Variants in LRRC4C observed in about 807,000 individuals in gnomAD.
The protein encoded by LRRC4C is leucine-rich repeat-containing protein 4C.
LRRC4C carries 5 observed loss-of-function variants against 33.6 expected under a neutral mutation model. The observed-to-expected ratio is 0.15, with a 90% confidence interval of 0.08 to 0.31. The LOEUF is 0.31. LRRC4C is among the 10% of genes least tolerant of loss of function. The probability of loss-of-function intolerance (pLI) is 1.00; values close to 1 mark genes in which losing one functional copy is unlikely to be tolerated. For synonymous variants in LRRC4C, 329 were observed against 302.0 expected, an observed-to-expected ratio of 1.09 and a Z score of -0.93; for missense variants, 560 against 796.7, an observed-to-expected ratio of 0.70 and a Z score of 3.58.
At chr11:40,185,489 G>A (rs916518509) in intron 5 of LRRC4C, among the ~76,000 whole-genome samples, 13 of 152,140 alleles carry the variant, frequency 8.5e-5, no homozygotes, top group African/African-American at 2.9e-4. Flanking sequence ...ATCTCTAGGA[G>A]GAGTTGCCAC....
intron 1 of LRRC4C, among the ~76,000 whole-genome samples, chr11:41,091,635 CT>C (rs1307528033): frequency 6.6e-6 from 1 of 152,112 alleles, no homozygotes; most frequent in Non-Finnish European, 1.5e-5. Flanking sequence ...TTGAGCAAAA[CT>C]TAGGAGTCTA....
At chr11:40,162,952 C>T (rs999520989) in intron 5 of LRRC4C, among the ~76,000 whole-genome samples, 4 of 152,204 alleles carry the variant, frequency 2.6e-5, no homozygotes, top group Admixed American at 6.5e-5. Flanking sequence ...CATCTCACCT[C>T]ATCTATAAGC....
intron 2 of LRRC4C, among the ~76,000 whole-genome samples, chr11:40,721,008 G>C (rs959350426): frequency 6.6e-6 from 1 of 152,072 alleles, no homozygotes; most frequent in African/African-American, 2.4e-5. Context: ...CTCTAGAACA[G>C]GAATTCATTT....
At chr11:41,184,571 C>T (rs565170677) in intron 1 of LRRC4C, among the ~76,000 whole-genome samples, 2 of 152,234 alleles carry the variant, frequency 1.3e-5, no homozygotes, top group South Asian at 4.1e-4. Flanking sequence ...TTGTTCATAT[C>T]AGTATCAGCA....
intron 6 of LRRC4C, among the ~76,000 whole-genome samples, chr11:40,127,079 C>T (rs113357287): frequency 0.065 from 9,928 of 151,926 alleles, 875 homozygotes; most frequent in African/African-American, 0.2. Flanking sequence ...GAGATCGAGA[C>T]CATCCTGGTG....
chr11:40,176,985 G>GTGCA (rs1860554076), intron 5 of LRRC4C, among the ~76,000 whole-genome samples: 1 of 136,054 alleles, frequency 7.4e-6, no homozygotes, highest in Non-Finnish European at 1.5e-5. Context: ...CCAGGCTGGA[G>GTGCA]TGCAGTGGTG....
intron 3 of LRRC4C, among the ~76,000 whole-genome samples, chr11:40,333,733 AAAAAAAAAG>A (rs1353703331): frequency 6.6e-6 from 1 of 151,436 alleles, no homozygotes; most frequent in East Asian, 2.0e-4. Flanking sequence ...AAAAAAAAAA[AAAAAAAAAG>A]AATTCATAAA....
At chr11:40,644,222 A>C (rs964199857) in intron 3 of LRRC4C, among the ~76,000 whole-genome samples, 1 of 152,230 alleles carries the variant, frequency 6.6e-6, no homozygotes, top group African/African-American at 2.4e-5. Flanking sequence ...CTGGAAACTA[A>C]TAGCATGGCC....
intron 1 of LRRC4C, among the ~76,000 whole-genome samples, chr11:40,982,608 C>A (rs1347340317): frequency 2.6e-5 from 4 of 151,964 alleles, no homozygotes; most frequent in Admixed American, 6.6e-5. Flanking sequence ...TGTGGACCAC[C>A]CTTTGAATAG....
chr11:40,533,802 C>G (rs572457798), intron 3 of LRRC4C, among the ~76,000 whole-genome samples: 1 of 152,092 alleles, frequency 6.6e-6, no homozygotes, highest in Non-Finnish European at 1.5e-5. Flanking sequence ...GTTGAGGAAC[C>G]AGTAGACTTA....
chr11:40,623,829 T>G (rs1231312647), intron 3 of LRRC4C, among the ~76,000 whole-genome samples: 6 of 152,066 alleles, frequency 3.9e-5, no homozygotes, highest in Non-Finnish European at 7.4e-5. Flanking sequence ...AACAATAGCT[T>G]TGGAATTTGG....
At chr11:41,392,508 T>C (rs1456149298) in intron 1 of LRRC4C, among the ~76,000 whole-genome samples, 1 of 151,350 alleles carries the variant, frequency 6.6e-6, no homozygotes, top group Non-Finnish European at 1.5e-5. Context: ...GGATTTGTAC[T>C]GGGTTGAATA....
At chr11:40,788,502 A>T (rs1950500567) in intron 2 of LRRC4C, among the ~76,000 whole-genome samples, 1 of 152,176 alleles carries the variant, frequency 6.6e-6, no homozygotes, top group African/African-American at 2.4e-5. Context: ...AAGCAAAGCT[A>T]CCCCAGATAC....
intron 2 of LRRC4C, among the ~76,000 whole-genome samples, chr11:40,897,288 C>A (rs1030825636): frequency 1.1e-4 from 16 of 152,130 alleles, no homozygotes; most frequent in African/African-American, 3.9e-4. Flanking sequence ...TTAAAAATAT[C>A]TTTTAAAAAC....
intron 1 of LRRC4C, among the ~76,000 whole-genome samples, chr11:41,001,173 G>A (rs749148138): frequency 2.6e-5 from 4 of 151,976 alleles, no homozygotes; most frequent in Non-Finnish European, 4.4e-5. Flanking sequence ...ACACTCTGAG[G>A]TGCTACAAAG....
At chr11:40,521,070 AG>A (rs1955791167) in intron 3 of LRRC4C, among the ~76,000 whole-genome samples, 1 of 152,206 alleles carries the variant, frequency 6.6e-6, no homozygotes, top group African/African-American at 2.4e-5. Flanking sequence ...AAGCAACAAA[AG>A]CAACCATTTG....
intron 2 of LRRC4C, among the ~76,000 whole-genome samples, chr11:40,749,682 A>G (rs1377480813): frequency 6.6e-6 from 1 of 151,918 alleles, no homozygotes; most frequent in Non-Finnish European, 1.5e-5. Flanking sequence ...AATGAAATAG[A>G]AAGTTGGTTC....
intron 1 of LRRC4C, among the ~76,000 whole-genome samples, chr11:41,062,971 A>T (rs1032271784): frequency 6.6e-6 from 1 of 152,160 alleles, no homozygotes; most frequent in Admixed American, 6.5e-5. Flanking sequence ...TTCTGCTTAC[A>T]TTTTGATTTT....
chr11:40,753,722 C>T (rs1948808630), intron 2 of LRRC4C, among the ~76,000 whole-genome samples: 2 of 151,782 alleles, frequency 1.3e-5, no homozygotes, highest in South Asian at 4.2e-4. Context: ...TAAAGTGCGT[C>T]ATATTCTTTA....
Sources: gnomAD v4.1 joint callset for allele counts (sites outside exome capture counted in the v4.1 genomes callset) on GRCh38, gnomAD v4.1.1 for gene constraint, MANE v1.5 for transcripts, NCBI Gene and HGNC (gene_info 2026-07-23, HGNC 2026-07-21) for gene names.